The following KCTD5 variants were observed in gnomAD, a reference collection of about 807,000 sequenced individuals.
The protein encoded by KCTD5 is BTB/POZ domain-containing protein KCTD5.
KCTD5 carries 12 observed loss-of-function variants against 27.9 expected under a neutral mutation model. The observed-to-expected ratio is 0.43, with a 90% CI of 0.28 to 0.70. The LOEUF is 0.70. Among genes scored for constraint, KCTD5 ranks in the 30% least tolerant of loss-of-function variants. The pLI is 0.19. For missense variants in KCTD5, 226 were observed against 274.8 expected, an observed-to-expected ratio of 0.82 and a Z score of 1.26; for synonymous variants, 147 against 121.4, an observed-to-expected ratio of 1.21 and a Z score of -1.39.
intron 2 of KCTD5, among the ~76,000 whole-genome samples, chr16:2,696,314 G>A (rs912168916): frequency 4.0e-5 from 6 of 150,822 alleles, no homozygotes; most frequent in African/African-American, 4.8e-5. Context: ...TCCGGCTGGC[G>A]ACACAAGGGG....
Position 2,693,478 on chromosome 16 carries a change from G to A in KCTD5, c.253-2457G>A, listed in dbSNP as rs549677705. Among the ~76,000 whole-genome samples the A allele has an allele frequency of 1.8e-3, 273 of 152,346 alleles. 2 individuals carry two copies. Among genetic ancestry groups the A allele is most frequent in the African/African-American group, 6.3e-3 (263 of 41,568 alleles). On this transcript the variant is annotated intron_variant, in intron 1 of 5. Coordinates refer to ENST00000301738, the MANE Select transcript of KCTD5 (RefSeq NM_018992.4). Reference sequence around the variant, plus strand: ...GTAGGAGTGGCCAAGACACGGCAGCGGCCTACCCCTGCCTGCCCGTCTTGA... The same window carrying A: ...GTAGGAGTGGCCAAGACACGGCAGCAGCCTACCCCTGCCTGCCCGTCTTGA...
chr16:2,698,006 A>G lies in KCTD5; in HGVS notation c.453+9A>G, dbSNP rs1479414939. ...ACAGCAAAACATCGCAGGTGAGACAAATGACTGAGGCTGGAAGCTTGTATG... is the reference window on the plus strand; with the variant it reads ...ACAGCAAAACATCGCAGGTGAGACAGATGACTGAGGCTGGAAGCTTGTATG... On this transcript the variant is annotated intron_variant, in intron 3 of 5. Coordinates refer to ENST00000301738, the MANE Select transcript of KCTD5 (RefSeq NM_018992.4). The G allele has an allele frequency of 5.0e-6, 8 of 1,594,518 alleles. No homozygotes were observed. The highest frequency in any genetic ancestry group is 4.4e-5 in the South Asian group (4 of 90,584).
chr16:2,697,978 G>T lies in KCTD5; in HGVS notation c.434G>T (p.Arg145Leu), dbSNP rs745437145. Residue 145 changes from arginine to leucine, a missense_variant, in exon 3 of 6, where the codon CGA (arginine) becomes CTA (leucine). Transcript: ENST00000301738. The stretch of plus-strand genomic sequence containing the variant: ...CTTGTAAAGGACAAAATTAGAGAAC[G>T]AGACAGCAAAACATCGCAGGTGAGA... The part of the protein sequence containing the change: ...IKLVKDKIRE[R>L]DSKTSQVPVK... 1 of 1,611,278 alleles carries T rather than the reference G, an allele frequency of 6.2e-7. No individual in the cohort carries two copies. Among genetic ancestry groups the T allele is most frequent in the Non-Finnish European group, 8.5e-7 (1 of 1,177,598 alleles).
chr16:2,705,851 A>G (rs1180214461), intron 5 of KCTD5, among the ~76,000 whole-genome samples: 1 of 152,166 alleles, frequency 6.6e-6, no homozygotes, highest in African/African-American at 2.4e-5. Flanking sequence ...AGGGCGAAGG[A>G]CAGCACTTTG....
intron 1 of KCTD5, among the ~76,000 whole-genome samples, chr16:2,685,199 G>A (rs994942798): frequency 9.2e-5 from 14 of 152,158 alleles, no homozygotes; most frequent in Admixed American, 5.2e-4. Flanking sequence ...GCCGAGGCGC[G>A]TGAATCACCT....
At chr16:2,699,680 G>C in intron 3 of KCTD5, 141 bp from the exon 4 acceptor site, 2 of 673,130 alleles carry the variant, frequency 3.0e-6, no homozygotes, top group Non-Finnish European at 5.3e-6. Flanking sequence ...TTGTGGATGT[G>C]CTCAGGATTG....
At chr16:2,697,642 A>G (rs917993944) in intron 2 of KCTD5, among the ~76,000 whole-genome samples, 4 of 152,256 alleles carry the variant, frequency 2.6e-5, no homozygotes, top group African/African-American at 9.6e-5. Context: ...AGGTCACTCA[A>G]GGTTACCTGG....
intron 4 of KCTD5, among the ~76,000 whole-genome samples, chr16:2,702,080 G>C (rs950884804): frequency 6.6e-6 from 1 of 152,232 alleles, no homozygotes; most frequent in African/African-American, 2.4e-5. Flanking sequence ...TCCCCCTGGG[G>C]CAGCAGCCCC....
Position 2,682,610 on chromosome 16 carries a change from G to T in KCTD5, c.62G>T (p.Gly21Val), listed in dbSNP as rs1488372868. 2.0e-6 allele frequency: 3 copies of T among 1,529,370 alleles called. No individual in the cohort carries two copies. The highest frequency in any genetic ancestry group is 2.6e-6 in the Non-Finnish European group (3 of 1,143,614). 94.7% of individuals were successfully genotyped at this position (1,529,370 alleles called of 1,614,324 possible). A position where few individuals can be genotyped will look rare whatever the true frequency, so the allele number is the denominator to read the frequency against. The change falls in exon 1 of 6, where the codon GGG becomes GTG. Residue 21 changes from glycine to valine, a missense_variant. Physicochemically the swap from Gly to Val is moderately radical, Grantham distance 109 (BLOSUM62 -3). This residue lies in a region of KCTD5 where 91 missense variants were observed against 67.8 expected (regional missense o/e 1.34). Coordinates refer to ENST00000301738, the MANE Select transcript of KCTD5 (RefSeq NM_018992.4). ...CGGGGCGGCATCGGGGCGGGGCTGG[G>T]GGGCGGCCTGTGCCGCCGCTGCAGC... ...PARGGIGAGLGGGLCRRCSAG... is the reference protein window; with the variant it reads ...PARGGIGAGLVGGLCRRCSAG...
In KCTD5 at chr16:2,682,670, G is replaced by A; in HGVS notation, c.122G>A (p.Ser41Asn). The A allele has an allele frequency of 6.2e-7, 1 of 1,603,996 alleles. No homozygotes were observed. The highest frequency in any genetic ancestry group is 8.5e-7 in the Non-Finnish European group (1 of 1,176,500). Residue 41 changes from serine to asparagine, a missense_variant, in exon 1 of 6, where the codon AGC becomes AAC. By Grantham distance (46) the Ser-to-Asn change is conservative. This residue lies in a region of KCTD5 where 91 missense variants were observed against 67.8 expected (regional missense o/e 1.34). Transcript: ENST00000301738. ...GLGALAQRPGSVSKWVRLNVG... is the reference protein window; with the variant it reads ...GLGALAQRPGNVSKWVRLNVG... ...GGCGCCCTGGCCCAGCGCCCTGGCAGCGTGTCCAAGTGGGTCCGACTCAAC... is the reference window on the plus strand; with the variant it reads ...GGCGCCCTGGCCCAGCGCCCTGGCAACGTGTCCAAGTGGGTCCGACTCAAC...
intron 1 of KCTD5, among the ~76,000 whole-genome samples, chr16:2,690,274 G>A (rs913247032): frequency 1.3e-5 from 2 of 152,212 alleles, no homozygotes; most frequent in Non-Finnish European, 2.9e-5. Flanking sequence ...CTGGCTCGGC[G>A]CTGTCTGCCA....
At chr16:2,693,675 G>A (rs908490085) in intron 1 of KCTD5, among the ~76,000 whole-genome samples, 11 of 152,210 alleles carry the variant, frequency 7.2e-5, no homozygotes, top group Admixed American at 1.3e-4. Flanking sequence ...GTCTGGGGGC[G>A]CCCAGCACGC....
chr16:2,697,768 G>A lies in KCTD5; in HGVS notation c.362-138G>A, dbSNP rs576364064. On this transcript the variant is annotated intron_variant, in intron 2 of 5. Coordinates refer to ENST00000301738, the MANE Select transcript of KCTD5 (RefSeq NM_018992.4). ...ACGTCTGCAGGAAGCCTGTTAGGTC[G>A]GGGCCTGAGCAGCTCCCGCTGGGCC... The A allele has an allele frequency of 1.5e-4, 97 of 642,316 alleles. No homozygotes were observed. In the East Asian group the frequency reaches 1.6e-3, roughly 11 times the overall value. The allele number at this position is 642,316 out of a possible 1,614,324, so 39.8% of individuals were successfully genotyped here. A position where few individuals can be genotyped will look rare whatever the true frequency, so the allele number is the denominator to read the frequency against.
chr16:2,693,600 C>T (rs1372452337), intron 1 of KCTD5, among the ~76,000 whole-genome samples: 4 of 152,234 alleles, frequency 2.6e-5, no homozygotes, highest in African/African-American at 9.6e-5. Flanking sequence ...GATGGCCGTC[C>T]CCACCCTGCC....
rs768575582 is a variant in KCTD5, at chr16:2,682,533, G to A, written c.-16G>A. The A allele has an allele frequency of 7.2e-7, 1 of 1,390,052 alleles. No individual in the cohort carries two copies. The highest frequency in any genetic ancestry group is 9.3e-7 in the Non-Finnish European group (1 of 1,073,326). 86.1% of individuals were successfully genotyped at this position (1,390,052 alleles called of 1,614,324 possible). ...GCTTCCGGTGGAAGGGAGCTGTTGC[G>A]GGGCTTGCTGGGATCATGGCGGAGA... On this transcript the variant is annotated 5_prime_UTR_variant, in exon 1 of 6. Transcript: ENST00000301738.
At chr16:2,706,743 G>A (rs994393022) in intron 5 of KCTD5, among the ~76,000 whole-genome samples, 2 of 151,960 alleles carry the variant, frequency 1.3e-5, no homozygotes, top group East Asian at 3.9e-4. Context: ...TCCCCGCAGC[G>A]TGATCTGCAC....
At chr16:2,689,652 C>A (rs1291750561) in intron 1 of KCTD5, among the ~76,000 whole-genome samples, 1 of 151,452 alleles carries the variant, frequency 6.6e-6, no homozygotes, top group Admixed American at 6.6e-5. Context: ...CTGGCAGTCT[C>A]CACCCTCATT....
chr16:2,691,065 C>T (rs1406270496), intron 1 of KCTD5, among the ~76,000 whole-genome samples: 2 of 152,224 alleles, frequency 1.3e-5, no homozygotes, highest in Non-Finnish European at 2.9e-5. Flanking sequence ...CATGTGGGCT[C>T]ACCCGAGCTG....
intron 2 of KCTD5, 139 bp from the exon 3 acceptor site, chr16:2,697,767 C>G: frequency 1.6e-6 from 1 of 639,450 alleles, no homozygotes. Flanking sequence ...CCTGTTAGGT[C>G]GGGGCCTGAG....
Sources: gnomAD v4.1 joint callset for allele counts (sites outside exome capture counted in the v4.1 genomes callset) on GRCh38, gnomAD v4.1.1 for gene constraint, gnomAD v4.1.1 regional missense constraint, MANE v1.5 for transcripts, NCBI Gene and HGNC (gene_info 2026-07-23, HGNC 2026-07-21) for gene names.